Variants in SPC25 observed in about 807,000 individuals in gnomAD.
The protein encoded by SPC25 is kinetochore protein Spc25.
SPC25 carries 22 observed loss-of-function variants against 29.6 expected under a neutral mutation model. The ratio of observed to expected loss-of-function variants is 0.74; its 90% CI spans 0.53 to 1.06. SPC25 has a LOEUF of 1.06. Among genes scored for constraint, SPC25 ranks in the 50% least tolerant of loss-of-function variants. The probability of loss-of-function intolerance (pLI) is 0.00; values close to 1 mark genes in which losing one functional copy is unlikely to be tolerated. For synonymous variants in SPC25, 91 were observed against 90.4 expected (o/e 1.01, Z -0.04); for missense variants, 230 against 255.8 (o/e 0.90, Z 0.69).
At chr2:168,883,739 T>C (rs367872637) in intron 3 of SPC25, among the ~76,000 whole-genome samples, 1 of 151,954 alleles carries the variant, frequency 6.6e-6, no homozygotes, top group African/African-American at 2.4e-5. Context: ...CCAATACAAA[T>C]ATAGGAGTCC....
In SPC25 at chr2:168,871,337, T is replaced by C; in HGVS notation, c.*94A>G. The C allele has an allele frequency of 7.8e-7, 1 of 1,274,048 alleles. No individual in the cohort carries two copies. The highest frequency in any genetic ancestry group is 1.1e-6 in the Non-Finnish European group (1 of 947,946). 78.9% of individuals were successfully genotyped at this position (1,274,048 alleles called of 1,614,324 possible). A position where few individuals can be genotyped will look rare whatever the true frequency, so the allele number is the denominator to read the frequency against. On this transcript the variant is annotated 3_prime_UTR_variant, in exon 7 of 7. Coordinates refer to ENST00000282074, the MANE Select transcript of SPC25 (RefSeq NM_020675.4). The stretch of plus-strand genomic sequence containing the variant: ...ACCTGCACATTGTGCACATGTACCC[T>C]AAAACTTAAAGTATAATAATAATAA...
intron 4 of SPC25, chr2:168,863,605 A>AGTT: frequency 1.0e-6 from 1 of 985,310 alleles, no homozygotes; most frequent in Non-Finnish European, 1.2e-6. Flanking sequence ...GTTGTATTAA[A>AGTT]GTTGTCTAAG....
rs193170782 is a variant in SPC25, at chr2:168,888,757, A to G, written c.199+469T>C. 8.8e-4 allele frequency among the ~76,000 whole-genome samples: 132 copies of G among 149,766 alleles called. 3 individuals carry two copies. The highest frequency in any genetic ancestry group is 7.5e-3 in the Admixed American group (113 of 15,042). ...TGTATTTGTGTGTGTATGTGTCTATATATATGTATATATATATATTTTAAT... is the reference window on the plus strand; with the variant it reads ...TGTATTTGTGTGTGTATGTGTCTATGTATATGTATATATATATATTTTAAT... On this transcript the variant is annotated intron_variant, in intron 3 of 6. Transcript: ENST00000282074.
At chr2:168,868,520 G>A (rs1328374619), downstream of SPC25, among the ~76,000 whole-genome samples, 2 of 151,782 alleles carry the variant, frequency 1.3e-5, no homozygotes, top group Non-Finnish European at 2.9e-5. Flanking sequence ...ATGATAAAGG[G>A]GATATCACCA....
chr2:168,866,306 C>A (rs62176772), downstream of SPC25, among the ~76,000 whole-genome samples: 723 of 152,206 alleles, frequency 4.8e-3, no homozygotes, highest in African/African-American at 0.017. Context: ...AGAACAGAGC[C>A]CTCAGAAATA....
intron 3 of SPC25, among the ~76,000 whole-genome samples, chr2:168,886,430 G>A (rs1690263286): frequency 1.3e-5 from 2 of 151,968 alleles, no homozygotes; most frequent in African/African-American, 4.8e-5. Flanking sequence ...TTTATGCACT[G>A]TTGTCTCCTT....
chr2:168,887,421 C>CAAAAAAAAAAAAAAAAAA (rs5836211), intron 3 of SPC25, among the ~76,000 whole-genome samples: 1 of 131,388 alleles, frequency 7.6e-6, no homozygotes, highest in East Asian at 2.1e-4. Flanking sequence ...GACTCCATCT[C>CAAAAAAAAAAAAAAAAAA]AAAAAAAAAA....
intron 3 of SPC25, among the ~76,000 whole-genome samples, chr2:168,877,619 C>T (rs546873652): frequency 6.6e-6 from 1 of 152,080 alleles, no homozygotes; most frequent in Non-Finnish European, 1.5e-5. Flanking sequence ...AATGAGAATA[C>T]CAAATTAAAT....
At chr2:168,864,704 C>A in intron 4 of SPC25, 3 of 1,027,908 alleles carry the variant, frequency 2.9e-6, no homozygotes, top group Non-Finnish European at 4.3e-6. Flanking sequence ...TTGGCTTCAT[C>A]TGAATCAAGT....
At chr2:168,881,071 A>C (rs887859994) in intron 3 of SPC25, among the ~76,000 whole-genome samples, 2 of 152,216 alleles carry the variant, frequency 1.3e-5, no homozygotes, top group African/African-American at 4.8e-5. Flanking sequence ...ATTAACCTTT[A>C]ATTTGTAAAA....
chr2:168,864,750 A>G (rs1689746889), intron 4 of SPC25: 1 of 1,503,952 alleles, frequency 6.6e-7, no homozygotes, highest in Admixed American at 1.9e-5. Flanking sequence ...TCCTTGAAGC[A>G]GAACCTCCTT....
chr2:168,867,613 A>C (rs1446477541), downstream of SPC25, among the ~76,000 whole-genome samples: 5 of 152,294 alleles, frequency 3.3e-5, no homozygotes, highest in East Asian at 9.7e-4. Context: ...AGACTTTAAA[A>C]CAACAAAGAT....
chr2:168,861,957 C>T, intron 4 of SPC25: 1 of 1,613,950 alleles, frequency 6.2e-7, no homozygotes. Flanking sequence ...TTATCTATTT[C>T]AGCCCCTGGT....
intron 3 of SPC25, among the ~76,000 whole-genome samples, chr2:168,888,322 G>A (rs184805419): frequency 2.6e-5 from 4 of 152,224 alleles, no homozygotes; most frequent in Admixed American, 2.0e-4. Context: ...TTGGGAGGCT[G>A]AGGCAGGCAG....
chr2:168,878,858 G>C (rs1487672554), intron 3 of SPC25, among the ~76,000 whole-genome samples: 1 of 152,136 alleles, frequency 6.6e-6, no homozygotes, highest in African/African-American at 2.4e-5. Flanking sequence ...TGGAGATATT[G>C]CAAGTTCTAT....
intron 4 of SPC25, chr2:168,863,548 CTCTT>C: frequency 1.0e-6 from 1 of 985,250 alleles, no homozygotes; most frequent in Non-Finnish European, 1.2e-6. Context: ...CTATGGAATT[CTCTT>C]TATTTGAATC....
chr2:168,864,564 C>T lies in SPC25; in HGVS notation n.419+9021G>A, dbSNP rs143356535. ...CCTCCCAAAGTGCTGGGATTACAGG[C>T]GTCACCCACCACGCCCAGCCAATCC... On this transcript the variant is annotated intron_variant and non_coding_transcript_variant, in intron 4 of 4. Coordinates refer to the SPC25 transcript ENST00000479309. 2.3e-3 allele frequency among the ~76,000 whole-genome samples: 351 copies of T among 152,304 alleles called. 1 individual carries two copies. Among genetic ancestry groups the T allele is most frequent in the African/African-American group, 7.9e-3 (329 of 41,562 alleles).
intron 6 of SPC25, among the ~76,000 whole-genome samples, chr2:168,872,961 A>C (rs1303756102): frequency 1.3e-5 from 2 of 152,196 alleles, no homozygotes; most frequent in Non-Finnish European, 1.5e-5. Context: ...TATGAATTCC[A>C]ATAAATTAAG....
chr2:168,872,229 A>T (rs1690005899), intron 6 of SPC25, among the ~76,000 whole-genome samples: 1 of 152,166 alleles, frequency 6.6e-6, no homozygotes. Flanking sequence ...CTGCCTCCCA[A>T]AGTGCTGGGA....
Sources: allele counts gnomAD v4.1 joint callset (sites outside exome capture counted in the v4.1 genomes callset), GRCh38; gene constraint gnomAD v4.1.1; transcripts MANE v1.5; gene names NCBI Gene and HGNC (gene_info 2026-07-23, HGNC 2026-07-21).